KDM4C: variants seen among roughly 807,000 people sequenced by gnomAD.
KDM4C encodes lysine-specific demethylase 4C.
A neutral mutation model predicts 129.3 loss-of-function variants in KDM4C; 81 were observed. That is an observed-to-expected ratio of 0.63 (90% CI 0.52 to 0.75). The LOEUF (loss-of-function observed/expected upper bound fraction) is 0.75, where lower values mean the gene tolerates loss of function less well. Ranked by LOEUF, KDM4C falls within the 30% of genes least tolerant of loss-of-function variation. The probability of loss-of-function intolerance (pLI) is 0.00; values close to 1 mark genes in which losing one functional copy is unlikely to be tolerated. For missense variants in KDM4C, 1,457 were observed against 1,304.0 expected (o/e 1.12, Z -1.81); for synonymous variants, 573 against 456.1 (o/e 1.26, Z -3.26).
chr9:6,974,728 G>A (rs1832650423), intron 8 of KDM4C: 2 of 152,210 alleles, frequency 1.3e-5, no homozygotes, highest in Non-Finnish European at 2.9e-5. Context: ...AGATCTCTAA[G>A]AGTGTGCAGA....
chr9:7,120,588 ATTAT>A (rs1424275458), intron 18 of KDM4C, among the ~76,000 whole-genome samples: 1 of 152,204 alleles, frequency 6.6e-6, no homozygotes, highest in Non-Finnish European at 1.5e-5. Flanking sequence ...TGAGAATGAA[ATTAT>A]TTATTTGATT....
chr9:7,044,633 C>A (rs530938707), intron 15 of KDM4C, among the ~76,000 whole-genome samples: 1 of 151,820 alleles, frequency 6.6e-6, no homozygotes. Flanking sequence ...GGAAAACAGT[C>A]GGGGAGTACA....
chr9:7,063,330 G>A (rs1427735171), intron 17 of KDM4C, among the ~76,000 whole-genome samples: 1 of 152,182 alleles, frequency 6.6e-6, no homozygotes, highest in Non-Finnish European at 1.5e-5. Flanking sequence ...ATTTATGGAA[G>A]ATACCAGCTT....
At chr9:6,825,198 A>G in intron 4 of KDM4C, among the ~76,000 whole-genome samples, 1 of 151,738 alleles carries the variant, frequency 6.6e-6, no homozygotes, top group Non-Finnish European at 1.5e-5. Flanking sequence ...CAGCTTCTAC[A>G]TTTAATCTGT....
chr9:6,858,506 T>C (rs1345553559), intron 5 of KDM4C, among the ~76,000 whole-genome samples: 1 of 152,188 alleles, frequency 6.6e-6, no homozygotes, highest in Non-Finnish European at 1.5e-5. Flanking sequence ...ACCTCGCAAA[T>C]TACTGTGTTA....
At chr9:6,876,574 T>C (rs28469195) in intron 5 of KDM4C, among the ~76,000 whole-genome samples, 13,106 of 152,194 alleles carry the variant, frequency 0.086, 1,473 homozygotes, top group African/African-American at 0.26. Context: ...TTTTCTTTCT[T>C]TCTCTCTCTT....
At position 6,949,396 on chromosome 9, in the gene KDM4C, A is replaced by T. The variant is rs1374273491; in HGVS notation, c.922-31529A>T. 2.0e-5 allele frequency among the ~76,000 whole-genome samples: 3 copies of T among 149,906 alleles called. No homozygotes were observed. In the South Asian group the frequency reaches 6.4e-4, roughly 32 times the overall value. On this transcript the variant is annotated intron_variant, in intron 8 of 21. Coordinates refer to ENST00000381309, the MANE Select transcript of KDM4C (RefSeq NM_015061.6). ...AGAGGGGCTCCTCACATCCCAGACG[A>T]TGAGTGGCCAGGCAGAGACGTTCCT... is the stretch of plus-strand genomic sequence containing the variant.
intron 1 of KDM4C, among the ~76,000 whole-genome samples, chr9:6,780,291 C>A (rs1824028624): frequency 7.5e-6 from 1 of 134,172 alleles, no homozygotes; most frequent in African/African-American, 2.6e-5. Flanking sequence ...AAGTTGAATC[C>A]TTTGGAAAGC....
intron 18 of KDM4C, among the ~76,000 whole-genome samples, chr9:7,126,550 G>T (rs1467199972): frequency 6.6e-6 from 1 of 152,164 alleles, no homozygotes; most frequent in African/African-American, 2.4e-5. Flanking sequence ...GATGAATAGG[G>T]ATATCACTCT....
At chr9:6,991,616 C>G (rs1038962426) in intron 12 of KDM4C, among the ~76,000 whole-genome samples, 1 of 152,134 alleles carries the variant, frequency 6.6e-6, no homozygotes, top group Non-Finnish European at 1.5e-5. Context: ...TGTGAGAATA[C>G]TGTTAAGTGA....
At chr9:6,990,622 A>G (rs1818573671) in intron 12 of KDM4C, 98 bp downstream of exon 12, 1 of 722,896 alleles carries the variant, frequency 1.4e-6, no homozygotes, top group Non-Finnish European at 2.3e-6. Context: ...AAATTCAACA[A>G]GTAGCAAATA....
intron 4 of KDM4C, among the ~76,000 whole-genome samples, chr9:6,822,192 T>A (rs565222990): frequency 6.6e-6 from 1 of 152,328 alleles, no homozygotes; most frequent in Non-Finnish European, 1.5e-5. Context: ...AGCCCAGTCT[T>A]TTTCATTTGC....
chr9:6,874,785 C>CATGCTATA (rs1277042127), intron 5 of KDM4C, among the ~76,000 whole-genome samples: 1 of 152,010 alleles, frequency 6.6e-6, no homozygotes, highest in African/African-American at 2.4e-5. Context: ...ATGGGGAGAC[C>CATGCTATA]ATGCTATAAT....
intron 1 of KDM4C, among the ~76,000 whole-genome samples, chr9:6,778,578 C>A (rs1457107485): frequency 6.6e-6 from 1 of 150,614 alleles, no homozygotes; most frequent in Non-Finnish European, 1.5e-5. Flanking sequence ...ACCAGCCTGA[C>A]CAACATGGTG....
chr9:6,782,366 C>T (rs547003285), intron 1 of KDM4C, among the ~76,000 whole-genome samples: 1 of 152,240 alleles, frequency 6.6e-6, no homozygotes, highest in South Asian at 2.1e-4. Flanking sequence ...AGTAGAATCT[C>T]AGATTAGGCT....
At chr9:6,747,348 C>G (rs990377260) in intron 1 of KDM4C, among the ~76,000 whole-genome samples, 10 of 151,446 alleles carry the variant, frequency 6.6e-5, no homozygotes, top group Admixed American at 3.3e-4. Flanking sequence ...GAGATCGAGA[C>G]CATCCTGGCT....
chr9:6,944,559 A>G (rs1402157397), intron 8 of KDM4C, among the ~76,000 whole-genome samples: 5 of 150,792 alleles, frequency 3.3e-5, no homozygotes, highest in African/African-American at 1.2e-4. Context: ...AGTTAAATAT[A>G]TAGGTTACTT....
chr9:6,743,866 G>A (rs904226242), intron 1 of KDM4C, among the ~76,000 whole-genome samples: 12 of 151,996 alleles, frequency 7.9e-5, no homozygotes, highest in African/African-American at 2.7e-4. Context: ...ACTTGTTGGG[G>A]TGGGGGACAC....
chr9:6,983,281 G>T (rs755303932), intron 9 of KDM4C, among the ~76,000 whole-genome samples: 1 of 152,108 alleles, frequency 6.6e-6, no homozygotes, highest in Non-Finnish European at 1.5e-5. Flanking sequence ...GGACACTGTT[G>T]CTTTGAGTTG....
Sources: allele counts gnomAD v4.1 joint callset (sites outside exome capture counted in the v4.1 genomes callset), GRCh38; gene constraint gnomAD v4.1.1; transcripts MANE v1.5; gene names NCBI Gene and HGNC (gene_info 2026-07-23, HGNC 2026-07-21).